The following CEACAM6 variants were observed in gnomAD, a reference collection of about 807,000 sequenced individuals.
The protein encoded by CEACAM6 is CEA cell adhesion molecule 6.
A neutral mutation model predicts 32.4 loss-of-function variants in CEACAM6; 21 were observed. The observed-to-expected ratio is 0.65, with a 90% CI of 0.46 to 0.93. The LOEUF (loss-of-function observed/expected upper bound fraction) is 0.93. CEACAM6 is among the 40% of genes least tolerant of loss of function. The pLI, the probability that CEACAM6 is intolerant of heterozygous loss-of-function variation, is 0.00. For synonymous variants in CEACAM6, 184 were observed against 174.4 expected (o/e 1.06, Z -0.43); for missense variants, 406 against 432.2 (o/e 0.94, Z 0.54).
At chr19:41,768,641 A>G (rs368558642) in intron 5 of CEACAM6, among the ~76,000 whole-genome samples, 3 of 151,310 alleles carry the variant, frequency 2.0e-5, no homozygotes, top group South Asian at 2.1e-4. Context: ...GGTGGTGGCC[A>G]GGCAGAGGGG....
intron 4 of CEACAM6, among the ~76,000 whole-genome samples, chr19:41,764,931 A>G (rs1423194170): frequency 6.6e-6 from 1 of 152,240 alleles, no homozygotes; most frequent in Non-Finnish European, 1.5e-5. Context: ...GAAAATTGCA[A>G]TAATTCTCAT....
intron 5 of CEACAM6, among the ~76,000 whole-genome samples, chr19:41,769,278 C>T (rs557237005): frequency 6.6e-6 from 1 of 152,276 alleles, no homozygotes; most frequent in East Asian, 1.9e-4. Context: ...TTCCTTAAAG[C>T]ATTTGCAATC....
At chr19:41,766,520 T>C (rs1419413040) in intron 5 of CEACAM6, among the ~76,000 whole-genome samples, 3 of 152,204 alleles carry the variant, frequency 2.0e-5, no homozygotes, top group Non-Finnish European at 4.4e-5. Flanking sequence ...TGCTCATTTG[T>C]TTCCTAGAGT....
In CEACAM6 at chr19:41,769,967, T is replaced by C. The variant is rs1046712037; in HGVS notation, c.*41-835T>C. On this transcript the variant is annotated intron_variant, in intron 5 of 5. Coordinates refer to ENST00000199764, the MANE Select transcript of CEACAM6 (RefSeq NM_002483.7). ...ACTGGTTATATTACCCAGGCTTTGA[T>C]TGGGATGTTATATTTGGGAATATAC... Among the ~76,000 whole-genome samples, 8 of 151,282 alleles carry C rather than the reference T, an allele frequency of 5.3e-5. No individual in the cohort carries two copies. The East Asian group carries it at 1.4e-3, about 26-fold the overall frequency.
Position 41,769,609 on chromosome 19 carries a change from G to A in CEACAM6, c.*41-1193G>A, listed in dbSNP as rs574841856. 7.9e-5 allele frequency among the ~76,000 whole-genome samples: 12 copies of A among 151,546 alleles called. No homozygotes were observed. In the East Asian group the frequency reaches 9.7e-4, roughly 12 times the overall value. ...CTATCTAGAGCTTCAACAATTTTGCGAACAAAAATTGAAACATCTATATTT... is the reference window on the plus strand; with the variant it reads ...CTATCTAGAGCTTCAACAATTTTGCAAACAAAAATTGAAACATCTATATTT... On this transcript the variant is annotated intron_variant, in intron 5 of 5. Transcript: ENST00000199764.
At chr19:41,756,042 A>C (rs192667906) in intron 1 of CEACAM6, among the ~76,000 whole-genome samples, 1 of 152,356 alleles carries the variant, frequency 6.6e-6, no homozygotes, top group East Asian at 1.9e-4. Context: ...CTCACCAATC[A>C]GAAGTTGAAA....
intron 5 of CEACAM6, among the ~76,000 whole-genome samples, chr19:41,768,062 TC>T (rs2072966604): frequency 6.6e-6 from 1 of 152,120 alleles, no homozygotes; most frequent in South Asian, 2.1e-4. Context: ...GGAGATGCAT[TC>T]TTTTTTTATT....
chr19:41,770,292 G>C (rs1042130766), intron 5 of CEACAM6, among the ~76,000 whole-genome samples: 4 of 151,624 alleles, frequency 2.6e-5, no homozygotes, highest in African/African-American at 9.7e-5. Context: ...GTGTGGTGGC[G>C]GGCTCCTGTA....
rs547933403 is a variant in CEACAM6 at position 41,768,664 on chromosome 19, C to T, written c.*41-2138C>T. Among the ~76,000 whole-genome samples the T allele has an allele frequency of 4.6e-3, 696 of 151,808 alleles. 3 individuals are homozygous for T. The highest frequency in any genetic ancestry group is 0.016 in the African/African-American group (666 of 41,426). On this transcript the variant is annotated intron_variant, in intron 5 of 5. Coordinates refer to ENST00000199764, the MANE Select transcript of CEACAM6 (RefSeq NM_002483.7). The stretch of plus-strand genomic sequence containing the variant: ...CCAGGCAGAGGGGCTCCTCACTTCC[C>T]AGTAGGGGCGGCCGGGCAGAGGCGC...
At chr19:41,758,593 G>A (rs1165485073) in intron 2 of CEACAM6, among the ~76,000 whole-genome samples, 1 of 152,078 alleles carries the variant, frequency 6.6e-6, no homozygotes, top group African/African-American at 2.4e-5. Context: ...GCAGCCAAGA[G>A]GCTCCTGGTC....
At chr19:41,760,142 A>G (rs1238538230) in intron 2 of CEACAM6, among the ~76,000 whole-genome samples, 2 of 152,212 alleles carry the variant, frequency 1.3e-5, no homozygotes, top group East Asian at 3.8e-4. Context: ...TATAACTGAA[A>G]GCGCACACCC....
At chr19:41,766,357 A>C in intron 5 of CEACAM6, 58 bp downstream of exon 5, 2 of 890,552 alleles carry the variant, frequency 2.2e-6, no homozygotes, top group Non-Finnish European at 3.4e-6. Flanking sequence ...ATGCTTGGGA[A>C]AGGAAAAAAA....
chr19:41,760,774 G>A (rs2072917848), intron 2 of CEACAM6, among the ~76,000 whole-genome samples: 1 of 152,154 alleles, frequency 6.6e-6, no homozygotes, highest in Admixed American at 6.5e-5. Context: ...CAGTATCCTT[G>A]GGGTTTAAGG....
chr19:41,768,844 A>G (rs1482586790), intron 5 of CEACAM6, among the ~76,000 whole-genome samples: 1 of 152,270 alleles, frequency 6.6e-6, no homozygotes, highest in East Asian at 1.9e-4. Flanking sequence ...CATTCTTATC[A>G]TAATGAACTC....
intron 2 of CEACAM6, among the ~76,000 whole-genome samples, chr19:41,760,267 T>C (rs977225060): frequency 2.6e-5 from 4 of 152,318 alleles, no homozygotes; most frequent in East Asian, 1.9e-4. Flanking sequence ...ACAGTATCTG[T>C]CCTGTGAGTG....
At position 41,771,100 on chromosome 19, in the gene CEACAM6, T is replaced by C. The variant is rs2072991505; in HGVS notation, c.*339T>C. On this transcript the variant is annotated 3_prime_UTR_variant, in exon 6 of 6. Transcript: ENST00000199764. ...GATAAGGCTCTTACCCCCTTTTAAT[T>C]TGTCCTTGCTTATGCCTGCCTCTTT... The C allele has an allele frequency of 6.6e-6, 1 of 152,190 alleles. No homozygotes were observed. Among genetic ancestry groups the C allele is most frequent in the African/African-American group, 2.4e-5 (1 of 41,450 alleles). 9.4% of individuals were successfully genotyped at this position (152,190 alleles called of 1,614,324 possible). A position where few individuals can be genotyped will look rare whatever the true frequency, so the allele number is the denominator to read the frequency against.
chr19:41,770,255 C>CAAAAAAAAA (rs1158293587), intron 5 of CEACAM6, among the ~76,000 whole-genome samples: 38 of 40,418 alleles, frequency 9.4e-4, no homozygotes, highest in African/African-American at 2.2e-3. Context: ...GCTAAAAATA[C>CAAAAAAAAA]AAAAAAAAAA....
At chr19:41,769,087 A>G (rs2072975971) in intron 5 of CEACAM6, among the ~76,000 whole-genome samples, 1 of 152,042 alleles carries the variant, frequency 6.6e-6, no homozygotes, top group African/African-American at 2.4e-5. Context: ...CTGGGATTAC[A>G]GGCATGCGTC....
chr19:41,769,791 AATTT>A lies in CEACAM6; in HGVS notation c.*41-1007_*41-1004del, dbSNP rs2072982317. Among the ~76,000 whole-genome samples the A allele has an allele frequency of 2.7e-5, 4 of 148,278 alleles. No individual in the cohort carries two copies. In the South Asian group the frequency reaches 8.3e-4, roughly 31 times the overall value. ...AATTATTTGATGATCATTATTTAAT[AATTT>A]ATTAATATTTATTAATAAATTAATA... On this transcript the variant is annotated intron_variant, in intron 5 of 5. Transcript: ENST00000199764.
Sources: allele counts gnomAD v4.1 joint callset (sites outside exome capture counted in the v4.1 genomes callset), GRCh38; gene constraint gnomAD v4.1.1; transcripts MANE v1.5; gene names NCBI Gene and HGNC (gene_info 2026-07-23, HGNC 2026-07-21).